PACRG: variants seen among roughly 807,000 people sequenced by gnomAD.
PACRG encodes the protein parkin coregulated gene protein.
PACRG carries 29 observed loss-of-function variants against 29.7 expected under a neutral mutation model. The observed-to-expected ratio is 0.98, with a 90% confidence interval of 0.73 to 1.33. The LOEUF (loss-of-function observed/expected upper bound fraction) is 1.33, where lower values mean the gene tolerates loss of function less well. Ranked by LOEUF, PACRG falls within the 40% of genes most tolerant of loss-of-function variation. The pLI is 0.00. For synonymous variants in PACRG, 116 were observed against 118.7 expected (o/e 0.98, Z 0.15); for missense variants, 279 against 316.2 (o/e 0.88, Z 0.89).
chr6:163,311,440 C>A (rs2128193818), intron 4 of PACRG, among the ~76,000 whole-genome samples: 1 of 152,274 alleles, frequency 6.6e-6, no homozygotes, highest in South Asian at 2.1e-4. Context: ...ATGTCCTATT[C>A]TCACAAACGT....
At chr6:162,799,663 A>AT (rs1323934997) in intron 1 of PACRG, among the ~76,000 whole-genome samples, 9 of 151,552 alleles carry the variant, frequency 5.9e-5, no homozygotes, top group African/African-American at 1.9e-4. Context: ...AATATCTTTT[A>AT]TTGTAGACAG....
At chr6:162,957,379 G>C (rs1460599518) in intron 2 of PACRG, 1 of 616,410 alleles carries the variant, frequency 1.6e-6, no homozygotes, top group African/African-American at 1.8e-5. Context: ...TTTTGTTTTG[G>C]ACAATCTCAT....
chr6:163,304,015 C>CAAAAAAAAAAAA (rs59861286), intron 4 of PACRG, among the ~76,000 whole-genome samples: 16 of 76,256 alleles, frequency 2.1e-4, no homozygotes, highest in African/African-American at 5.4e-4. Flanking sequence ...GACTCCATTT[C>CAAAAAAAAAAAA]AAAAAAAAAA....
chr6:163,303,736 C>T (rs887178673), intron 4 of PACRG, among the ~76,000 whole-genome samples: 5 of 151,878 alleles, frequency 3.3e-5, no homozygotes, highest in African/African-American at 1.2e-4. Context: ...GGACCAGGTG[C>T]AGTGGCTCAT....
intron 3 of PACRG, among the ~76,000 whole-genome samples, chr6:163,075,970 G>T (rs1812500169): frequency 6.6e-6 from 1 of 152,210 alleles, no homozygotes; most frequent in Non-Finnish European, 1.5e-5. Flanking sequence ...GGAAACAAGA[G>T]CTCAGAAGGT....
intron 1 of PACRG, among the ~76,000 whole-genome samples, chr6:162,765,983 C>T (rs1782759390): frequency 6.6e-6 from 1 of 152,074 alleles, no homozygotes; most frequent in African/African-American, 2.4e-5. Context: ...AGTACAATGT[C>T]ATGTGTCAAG....
intron 4 of PACRG, among the ~76,000 whole-genome samples, chr6:163,196,543 A>G (rs747941371): frequency 3.3e-5 from 5 of 152,216 alleles, no homozygotes; most frequent in African/African-American, 4.8e-5. Flanking sequence ...AAATTACATA[A>G]CAATCTGCTT....
intron 1 of PACRG, among the ~76,000 whole-genome samples, chr6:162,750,068 C>G (rs1295499602): frequency 6.6e-6 from 1 of 152,188 alleles, no homozygotes; most frequent in Non-Finnish European, 1.5e-5. Context: ...TTTCTCCTTA[C>G]AAACTATGAT....
At chr6:162,924,457 C>A (rs1797286089) in intron 2 of PACRG, among the ~76,000 whole-genome samples, 2 of 152,036 alleles carry the variant, frequency 1.3e-5, no homozygotes, top group Admixed American at 1.3e-4. Context: ...GCATCCTTGT[C>A]TTGTTCCAGC....
chr6:162,832,117 C>T (rs189000652), intron 2 of PACRG, among the ~76,000 whole-genome samples: 1 of 152,314 alleles, frequency 6.6e-6, no homozygotes, highest in East Asian at 1.9e-4. Flanking sequence ...AAATTACATT[C>T]CCATAAACAG....
chr6:162,817,450 A>C (rs1640969385), intron 2 of PACRG, among the ~76,000 whole-genome samples: 1 of 152,124 alleles, frequency 6.6e-6, no homozygotes, highest in Admixed American at 6.5e-5. Flanking sequence ...AGATGCCAAA[A>C]CAACGTGGCA....
upstream of PACRG, among the ~76,000 whole-genome samples, chr6:162,727,444 G>C (rs1485113898): frequency 6.6e-6 from 1 of 152,104 alleles, no homozygotes; most frequent in Non-Finnish European, 1.5e-5. Flanking sequence ...GCTCAGAGCA[G>C]GGGCGGGCAG....
intron 4 of PACRG, among the ~76,000 whole-genome samples, chr6:163,233,449 T>A (rs965986595): frequency 2.0e-5 from 3 of 152,214 alleles, no homozygotes; most frequent in Non-Finnish European, 1.5e-5. Context: ...ACTTGAGAGA[T>A]GCCATTTTCT....
chr6:163,086,095 G>A (rs753370808), intron 3 of PACRG, among the ~76,000 whole-genome samples: 5 of 152,346 alleles, frequency 3.3e-5, no homozygotes, highest in East Asian at 1.9e-4. Context: ...TAAACCCGTT[G>A]AGCATAGTTG....
intron 1 of PACRG, among the ~76,000 whole-genome samples, chr6:162,810,855 G>A (rs965597203): frequency 2.0e-5 from 3 of 152,112 alleles, no homozygotes; most frequent in African/African-American, 4.8e-5. Context: ...GGAAAAAGAA[G>A]CCAGGCCAAA....
intron 2 of PACRG, among the ~76,000 whole-genome samples, chr6:163,048,008 G>A (rs1448713955): frequency 1.3e-5 from 2 of 152,076 alleles, no homozygotes; most frequent in African/African-American, 2.4e-5. Context: ...TTTTAATCGT[G>A]TATGGAAATG....
At chr6:162,902,023 C>G (rs1265865486) in intron 2 of PACRG, among the ~76,000 whole-genome samples, 3 of 152,282 alleles carry the variant, frequency 2.0e-5, no homozygotes, top group Admixed American at 6.5e-5. Flanking sequence ...TGTGTCCATG[C>G]GTACATGCAG....
chr6:163,131,090 G>A (rs1335311116), intron 4 of PACRG, among the ~76,000 whole-genome samples: 7 of 152,234 alleles, frequency 4.6e-5, no homozygotes, highest in East Asian at 1.9e-4. Context: ...GGTGGATCAC[G>A]AGGTCAGGAG....
At chr6:162,917,509 G>A (rs537110830) in intron 2 of PACRG, among the ~76,000 whole-genome samples, 17 of 152,320 alleles carry the variant, frequency 1.1e-4, no homozygotes, top group Middle Eastern at 3.4e-3. Context: ...TCAGGGGACA[G>A]CTGTCTCCAT....
Sources: gnomAD v4.1 joint callset for allele counts (sites outside exome capture counted in the v4.1 genomes callset) on GRCh38, gnomAD v4.1.1 for gene constraint, MANE v1.5 for transcripts, NCBI Gene and HGNC (gene_info 2026-07-23, HGNC 2026-07-21) for gene names.